The following ADAMTS17 variants were observed in gnomAD, a reference collection of about 807,000 sequenced individuals.
ADAMTS17 encodes the protein A disintegrin and metalloproteinase with thrombospondin motifs 17.
A neutral mutation model predicts 141.5 loss-of-function variants in ADAMTS17; 113 were observed. That is an observed-to-expected ratio of 0.80 (90% CI 0.69 to 0.93). The LOEUF (loss-of-function observed/expected upper bound fraction) is 0.93, where lower values mean the gene tolerates loss of function less well. Among genes scored for constraint, ADAMTS17 ranks in the 40% least tolerant of loss-of-function variants. The pLI is 0.00. For synonymous variants in ADAMTS17, 768 were observed against 630.6 expected (o/e 1.22, Z -3.27); for missense variants, 1,659 against 1,517.9 (o/e 1.09, Z -1.54).
rs554290963 is a variant in ADAMTS17 at position 100,140,162 on chromosome 15, A to G, written c.1474-6847T>C. ...AGGCATGCGCCACCATGCCTGGCTAATTTTTGTATTTTTGGTAGAGATGGG... is the reference window on the plus strand; with the variant it reads ...AGGCATGCGCCACCATGCCTGGCTAGTTTTTGTATTTTTGGTAGAGATGGG... On this transcript the variant is annotated intron_variant, in intron 10 of 21. Coordinates refer to ENST00000268070, the MANE Select transcript of ADAMTS17 (RefSeq NM_139057.4). Among the ~76,000 whole-genome samples, 89 of 151,704 alleles carry G rather than the reference A, an allele frequency of 5.9e-4. 1 individual carries two copies. The highest frequency in any genetic ancestry group is 1.2e-3 in the Non-Finnish European group (82 of 67,922).
chr15:100,168,026 T>G (rs956214613), intron 8 of ADAMTS17, among the ~76,000 whole-genome samples: 1 of 152,184 alleles, frequency 6.6e-6, no homozygotes, highest in Non-Finnish European at 1.5e-5. Flanking sequence ...CCTCCCACTC[T>G]AAACACCGCA....
chr15:100,327,436 T>G (rs1398201236), intron 3 of ADAMTS17, among the ~76,000 whole-genome samples: 1 of 152,206 alleles, frequency 6.6e-6, no homozygotes, highest in Non-Finnish European at 1.5e-5. Context: ...CACGTTCCAG[T>G]GAGCTCACCA....
intron 14 of ADAMTS17, among the ~76,000 whole-genome samples, chr15:100,105,857 T>G (rs2036385002): frequency 6.6e-6 from 1 of 152,032 alleles, no homozygotes; most frequent in Non-Finnish European, 1.5e-5. Flanking sequence ...CCAGCTAATT[T>G]TTTTGTATTT....
At chr15:100,139,652 G>C (rs2038524528) in intron 10 of ADAMTS17, among the ~76,000 whole-genome samples, 1 of 152,252 alleles carries the variant, frequency 6.6e-6, no homozygotes, top group Non-Finnish European at 1.5e-5. Flanking sequence ...AGCATCACCA[G>C]TAACGAGACA....
intron 7 of ADAMTS17, among the ~76,000 whole-genome samples, chr15:100,251,994 C>A (rs565780096): frequency 6.6e-6 from 1 of 152,302 alleles, no homozygotes; most frequent in South Asian, 2.1e-4. Flanking sequence ...GTTGTTAAAG[C>A]CACTCAGTTT....
intron 20 of ADAMTS17, among the ~76,000 whole-genome samples, chr15:99,978,102 G>A (rs2060403827): frequency 6.6e-6 from 1 of 152,212 alleles, no homozygotes. Context: ...TGCTTCCCGT[G>A]TCCTCACTCT....
intron 15 of ADAMTS17, among the ~76,000 whole-genome samples, chr15:100,088,988 T>C (rs942699158): frequency 1.4e-4 from 21 of 151,254 alleles, no homozygotes; most frequent in Non-Finnish European, 2.8e-4. Context: ...AATTGACAAA[T>C]GGGATCTAAT....
chr15:100,163,524 C>T (rs897771925), intron 8 of ADAMTS17, among the ~76,000 whole-genome samples: 25 of 152,162 alleles, frequency 1.6e-4, no homozygotes, highest in African/African-American at 5.8e-4. Context: ...CTCACTCTAT[C>T]ACCCAAGCTG....
chr15:100,154,108 G>C (rs1029815337), intron 9 of ADAMTS17, among the ~76,000 whole-genome samples: 7 of 152,114 alleles, frequency 4.6e-5, no homozygotes, highest in African/African-American at 1.4e-4. Flanking sequence ...TTGAACCTGG[G>C]AGACAGAGGT....
At chr15:100,255,443 A>T (rs4074096) in intron 6 of ADAMTS17, among the ~76,000 whole-genome samples, 96,330 of 151,932 alleles carry the variant, frequency 0.63, 31,349 homozygotes, top group East Asian at 0.83. Flanking sequence ...AAAGGCCTAG[A>T]GACTTGATTT....
At position 100,267,701 on chromosome 15, in the gene ADAMTS17, C is replaced by T. The variant is rs770266179; in HGVS notation, c.790-5266G>A. ...TCCCTGTCTCCCTTCTCTAGTAGTC[C>T]GCAGTGTCTGCTGCCACCTTTTAAA... On this transcript the variant is annotated intron_variant, in intron 4 of 21. Transcript: ENST00000268070. 4.5e-4 allele frequency among the ~76,000 whole-genome samples: 68 copies of T among 152,184 alleles called. 2 individuals are homozygous for T. Among genetic ancestry groups the T allele is most frequent in the Non-Finnish European group, 2.6e-4 (18 of 68,022 alleles).
intron 18 of ADAMTS17, among the ~76,000 whole-genome samples, chr15:100,034,606 T>C (rs2030522336): frequency 6.6e-6 from 1 of 152,210 alleles, no homozygotes. Flanking sequence ...GAACTGGTGT[T>C]TGTGACCTTG....
At chr15:100,304,741 G>A (rs567027655) in intron 3 of ADAMTS17, among the ~76,000 whole-genome samples, 10 of 152,214 alleles carry the variant, frequency 6.6e-5, no homozygotes, top group African/African-American at 2.4e-4. Flanking sequence ...GTCTGCTGTA[G>A]CAGACTGTAG....
chr15:100,080,107 C>G (rs1344721026), intron 15 of ADAMTS17, among the ~76,000 whole-genome samples: 1 of 150,060 alleles, frequency 6.7e-6, no homozygotes, highest in African/African-American at 2.5e-5. Context: ...TGAAACTGAA[C>G]TGACACCACT....
chr15:100,294,714 C>T (rs1273129835), intron 3 of ADAMTS17, among the ~76,000 whole-genome samples: 1 of 152,112 alleles, frequency 6.6e-6, no homozygotes, highest in African/African-American at 2.4e-5. Flanking sequence ...CTCAAAATAC[C>T]AGTTGTAAGA....
chr15:100,241,700 GC>G (rs1316846426), intron 7 of ADAMTS17, among the ~76,000 whole-genome samples: 1 of 152,148 alleles, frequency 6.6e-6, no homozygotes, highest in Non-Finnish European at 1.5e-5. Context: ...TTGGCCCTCA[GC>G]CCTTTCCTAA....
rs1197653436 is a variant in ADAMTS17, at chr15:99,971,591, T to G, written c.*2811A>C. 1 of 152,206 alleles carries G rather than the reference T, an allele frequency of 6.6e-6. No homozygotes were observed. Among genetic ancestry groups the G allele is most frequent in the African/African-American group, 2.4e-5 (1 of 41,442 alleles). 9.4% of individuals were successfully genotyped at this position (152,206 alleles called of 1,614,324 possible). A position where few individuals can be genotyped will look rare whatever the true frequency, so the allele number is the denominator to read the frequency against. On this transcript the variant is annotated 3_prime_UTR_variant, in exon 22 of 22. Transcript: ENST00000268070. The stretch of plus-strand genomic sequence containing the variant: ...CCCAAAAAGTAAAACAAAAATTCCA[T>G]GGGTACAGTATGTAATGCAAGTTAA...
At chr15:100,113,564 G>A (rs544239013) in intron 13 of ADAMTS17, among the ~76,000 whole-genome samples, 1 of 152,352 alleles carries the variant, frequency 6.6e-6, no homozygotes, top group East Asian at 1.9e-4. Context: ...GGTAAAGGAT[G>A]TGGATTTACA....
chr15:100,116,802 G>A, intron 13 of ADAMTS17, 45 bp downstream of exon 13: 1 of 1,613,464 alleles, frequency 6.2e-7, no homozygotes, highest in Non-Finnish European at 8.5e-7. Context: ...TATTCTTAGG[G>A]GAGGACAGGA....
Sources: allele counts gnomAD v4.1 joint callset (sites outside exome capture counted in the v4.1 genomes callset), GRCh38; gene constraint gnomAD v4.1.1; transcripts MANE v1.5; gene names NCBI Gene and HGNC (gene_info 2026-07-23, HGNC 2026-07-21).